The following TXLNB variants were observed in gnomAD, a reference collection of about 807,000 sequenced individuals.
TXLNB encodes the protein beta-taxilin.
Under a neutral mutation model 57.4 loss-of-function variants are expected in TXLNB, and 37 were observed. The observed-to-expected ratio is 0.64, with a 90% CI of 0.50 to 0.85. The LOEUF (loss-of-function observed/expected upper bound fraction) is 0.85. TXLNB is among the 40% of genes least tolerant of loss of function. TXLNB has a pLI of 0.00. For synonymous variants in TXLNB, 302 were observed against 309.6 expected, an observed-to-expected ratio of 0.98 and a Z score of 0.26; for missense variants, 848 against 825.6, an observed-to-expected ratio of 1.03 and a Z score of -0.33.
At chr6:139,186,170 T>C in the TXLNB span, among the ~76,000 whole-genome samples, 1 of 152,164 alleles carries the variant, frequency 6.6e-6, no homozygotes, top group African/African-American at 2.4e-5. Flanking sequence ...TCTGGATCCA[T>C]ATTTACACCA....
intron 2 of TXLNB, among the ~76,000 whole-genome samples, chr6:139,278,142 G>A (rs1460880853): frequency 2.6e-5 from 4 of 152,066 alleles, no homozygotes; most frequent in South Asian, 4.1e-4. Flanking sequence ...CAGACTAACC[G>A]GTTAATTTTA....
At chr6:139,315,570 T>A in the TXLNB span, among the ~76,000 whole-genome samples, 38 of 152,352 alleles carry the variant, frequency 2.5e-4, no homozygotes, top group African/African-American at 9.1e-4. Flanking sequence ...CTCATATGAA[T>A]GTTGTAATAA....
the TXLNB span, among the ~76,000 whole-genome samples, chr6:139,182,017 C>T: frequency 2.0e-5 from 3 of 152,180 alleles, no homozygotes; most frequent in African/African-American, 7.2e-5. Flanking sequence ...AAGACTTGAT[C>T]GTATGCTTCT....
chr6:139,272,174 G>C (rs2114572171), intron 3 of TXLNB, among the ~76,000 whole-genome samples: 1 of 152,286 alleles, frequency 6.6e-6, no homozygotes, highest in Non-Finnish European at 1.5e-5. Context: ...GGGCGTGGTG[G>C]TATGCACCTG....
chr6:139,290,249 G>A (rs775612337), intron 1 of TXLNB, among the ~76,000 whole-genome samples: 8 of 152,006 alleles, frequency 5.3e-5, no homozygotes, highest in Non-Finnish European at 7.4e-5. Flanking sequence ...GTGTGGTGGC[G>A]GGCACCGGTA....
the TXLNB span, among the ~76,000 whole-genome samples, chr6:139,316,041 T>TA: frequency 1.3e-5 from 2 of 152,076 alleles, no homozygotes; most frequent in Non-Finnish European, 2.9e-5. Flanking sequence ...AAATAATAAG[T>TA]AAAAAATGAC....
At chr6:139,274,710 T>C (rs1001050729) in intron 3 of TXLNB, among the ~76,000 whole-genome samples, 4 of 152,126 alleles carry the variant, frequency 2.6e-5, no homozygotes, top group Non-Finnish European at 5.9e-5. Flanking sequence ...GCTTCCCCAG[T>C]GCACTGTCGT....
At chr6:139,205,960 A>C in the TXLNB span, among the ~76,000 whole-genome samples, 1 of 152,272 alleles carries the variant, frequency 6.6e-6, no homozygotes, top group Non-Finnish European at 1.5e-5. Context: ...AAAACTTATC[A>C]GATTAACAGC....
At chr6:139,247,976 T>C (rs1243851133) in intron 7 of TXLNB, 67 bp from the exon 8 acceptor site, 44 of 943,662 alleles carry the variant, frequency 4.7e-5, no homozygotes, top group Middle Eastern at 2.1e-4. Flanking sequence ...TTGTTCATTA[T>C]TTAAAGGAAT....
the TXLNB span, among the ~76,000 whole-genome samples, chr6:139,231,261 T>C: frequency 6.6e-6 from 1 of 152,194 alleles, no homozygotes; most frequent in Admixed American, 6.5e-5. Context: ...TCTTGTTTTT[T>C]AGTTGCTGAA....
the TXLNB span, among the ~76,000 whole-genome samples, chr6:139,184,548 A>G: frequency 2.0e-5 from 3 of 152,224 alleles, no homozygotes; most frequent in Non-Finnish European, 1.5e-5. Context: ...TTTTGTTAAG[A>G]TAGATGATTG....
chr6:139,268,686 G>A (rs1337427318), intron 4 of TXLNB, among the ~76,000 whole-genome samples: 2 of 152,140 alleles, frequency 1.3e-5, no homozygotes, highest in East Asian at 3.8e-4. Context: ...CCTTCACTGG[G>A]TTATCATGAA....
the TXLNB span, among the ~76,000 whole-genome samples, chr6:139,192,928 A>G: frequency 6.6e-6 from 1 of 151,648 alleles, no homozygotes; most frequent in African/African-American, 2.4e-5. Context: ...GTGCCACTGC[A>G]CTCCAGCCTG....
At chr6:139,199,633 A>G in the TXLNB span, among the ~76,000 whole-genome samples, 2 of 152,352 alleles carry the variant, frequency 1.3e-5, no homozygotes, top group African/African-American at 4.8e-5. Flanking sequence ...CAAAGATATG[A>G]GCAAAGCCTC....
At chr6:139,256,515 A>G (rs1350254001) in intron 6 of TXLNB, among the ~76,000 whole-genome samples, 2 of 152,162 alleles carry the variant, frequency 1.3e-5, no homozygotes, top group African/African-American at 4.8e-5. Flanking sequence ...TTTTTACTAG[A>G]GACGGGGTTT....
intron 5 of TXLNB, among the ~76,000 whole-genome samples, chr6:139,262,202 G>A (rs993807289): frequency 6.6e-6 from 1 of 152,112 alleles, no homozygotes; most frequent in African/African-American, 2.4e-5. Flanking sequence ...CACCGCGCCT[G>A]GCCAGAATAC....
chr6:139,306,395 C>T, the TXLNB span, among the ~76,000 whole-genome samples: 1 of 152,154 alleles, frequency 6.6e-6, no homozygotes, highest in Non-Finnish European at 1.5e-5. Context: ...ACTTCTGGGA[C>T]GCTCCAGAGA....
chr6:139,246,172 A>G (rs1776062562), intron 8 of TXLNB, among the ~76,000 whole-genome samples: 4 of 152,184 alleles, frequency 2.6e-5, no homozygotes, highest in Admixed American at 2.6e-4. Context: ...CTGATTTAAT[A>G]TTTATTCCAC....
chr6:139,185,322 A>G, the TXLNB span, among the ~76,000 whole-genome samples: 2 of 152,212 alleles, frequency 1.3e-5, no homozygotes, highest in African/African-American at 4.8e-5. Flanking sequence ...TGGCAGTAGC[A>G]TATGCCTTTG....
Sources: allele counts gnomAD v4.1 joint callset (sites outside exome capture counted in the v4.1 genomes callset), GRCh38; gene constraint gnomAD v4.1.1; transcripts MANE v1.5; gene names NCBI Gene and HGNC (gene_info 2026-07-23, HGNC 2026-07-21).